The following PLCL1 variants were observed in gnomAD, a reference collection of about 807,000 sequenced individuals.
The protein encoded by PLCL1 is phospholipase C like 1 (inactive).
A neutral mutation model predicts 84.4 loss-of-function variants in PLCL1; 41 were observed. The observed-to-expected ratio is 0.49, with a 90% CI of 0.38 to 0.63. The LOEUF (loss-of-function observed/expected upper bound fraction) is 0.63. Among genes scored for constraint, PLCL1 ranks in the 30% least tolerant of loss-of-function variants. The pLI is 0.00. For missense variants in PLCL1, 1,206 were observed against 1,367.8 expected (o/e 0.88, Z 1.87); for synonymous variants, 490 against 488.3 (o/e 1.00, Z -0.05).
intron 5 of PLCL1, among the ~76,000 whole-genome samples, 163 bp downstream of exon 5, chr2:198,104,099 T>A (rs773252237): frequency 7.9e-5 from 12 of 151,916 alleles, no homozygotes; most frequent in Non-Finnish European, 1.5e-4. Context: ...GTAAACTGTG[T>A]GTCGCGGGGG....
chr2:197,972,831 C>T (rs573282150), intron 1 of PLCL1, among the ~76,000 whole-genome samples: 3 of 152,276 alleles, frequency 2.0e-5, no homozygotes, highest in East Asian at 1.9e-4. Flanking sequence ...GTGAAAAGCA[C>T]TGTGGTTACT....
intron 1 of PLCL1, among the ~76,000 whole-genome samples, chr2:197,873,678 A>T (rs1687688356): frequency 6.6e-6 from 1 of 152,140 alleles, no homozygotes; most frequent in Non-Finnish European, 1.5e-5. Context: ...TGGGGATTAG[A>T]ACATTTAGAT....
Position 197,825,627 on chromosome 2 carries a change from C to T in PLCL1, c.240+20288C>T, listed in dbSNP as rs560018441. On this transcript the variant is annotated intron_variant, in intron 1 of 5. Coordinates refer to ENST00000428675, the MANE Select transcript of PLCL1 (RefSeq NM_006226.4). ...TTCTACCTTCCTTAAGGGAATCTTG[C>T]CCTGAGTTAATGTAGTCTACCATTG... Among the ~76,000 whole-genome samples, 328 of 151,578 alleles carry T rather than the reference C, an allele frequency of 2.2e-3. 1 individual carries two copies. Among genetic ancestry groups the T allele is most frequent in the Middle Eastern group, 6.8e-3 (2 of 294 alleles).
In PLCL1 at chr2:198,132,770, T is replaced by C. The variant is rs571000153; in HGVS notation, c.3106-14010T>C. Among the ~76,000 whole-genome samples the C allele has an allele frequency of 5.8e-3, 875 of 152,072 alleles. 1 individual carries two copies. The highest frequency in any genetic ancestry group is 8.5e-3 in the Non-Finnish European group (579 of 67,958). ...TAGGTTGCGAAAATTTTCTCCCATG[T>C]TGTAGGTTGCCTGTTCACTCTGATG... On this transcript the variant is annotated intron_variant, in intron 5 of 5. Coordinates refer to ENST00000428675, the MANE Select transcript of PLCL1 (RefSeq NM_006226.4).
At chr2:197,920,613 G>C (rs555429812) in intron 1 of PLCL1, among the ~76,000 whole-genome samples, 1 of 152,268 alleles carries the variant, frequency 6.6e-6, no homozygotes, top group African/African-American at 2.4e-5. Context: ...AAGGTTGCTT[G>C]CATAGGTTTA....
chr2:198,083,900 C>T lies in PLCL1; in HGVS notation c.383C>T (p.Ser128Phe). The change falls in exon 2 of 6, where the codon TCT becomes TTT. Residue 128 changes from serine to phenylalanine, a missense_variant. Transcript: ENST00000428675. ...GCELKKVRPN[S>F]RIYNRFFTLD... ...GAGTTGAAGAAAGTCCGGCCAAATT[C>T]TCGCATTTACAACCGTTTTTTCACT... 6.2e-7 allele frequency: 1 copy of T among 1,614,134 alleles called. No individual in the cohort carries two copies. Among genetic ancestry groups the T allele is most frequent in the Non-Finnish European group, 8.5e-7 (1 of 1,179,992 alleles).
At chr2:198,118,457 G>C (rs1000325463) in intron 5 of PLCL1, among the ~76,000 whole-genome samples, 1 of 151,936 alleles carries the variant, frequency 6.6e-6, no homozygotes, top group Non-Finnish European at 1.5e-5. Flanking sequence ...CTCCTGGGAA[G>C]GTCAGATCCT....
intron 1 of PLCL1, among the ~76,000 whole-genome samples, chr2:197,894,783 T>G (rs1688100976): frequency 6.6e-6 from 1 of 151,878 alleles, no homozygotes; most frequent in South Asian, 2.1e-4. Flanking sequence ...GTAAGTGAAA[T>G]GTAAAGAGAA....
chr2:198,044,524 G>A (rs1168912644), intron 1 of PLCL1, among the ~76,000 whole-genome samples: 1 of 152,102 alleles, frequency 6.6e-6, no homozygotes, highest in African/African-American at 2.4e-5. Context: ...CTGTAGGTTG[G>A]GACAAATTTT....
intron 1 of PLCL1, among the ~76,000 whole-genome samples, chr2:198,056,112 A>C (rs989252802): frequency 5.9e-5 from 9 of 152,212 alleles, no homozygotes; most frequent in African/African-American, 2.2e-4. Flanking sequence ...AATTAAAAGC[A>C]TTCAAAGAAG....
At chr2:198,126,306 T>C (rs1693983510) in intron 5 of PLCL1, among the ~76,000 whole-genome samples, 1 of 152,192 alleles carries the variant, frequency 6.6e-6, no homozygotes, top group South Asian at 2.1e-4. Flanking sequence ...GAGATCTTTT[T>C]GAACAAGAAT....
chr2:197,973,640 G>A (rs1689911154), intron 1 of PLCL1, among the ~76,000 whole-genome samples: 1 of 152,190 alleles, frequency 6.6e-6, no homozygotes, highest in African/African-American at 2.4e-5. Flanking sequence ...GAGAGGGATT[G>A]GCAAGGGAAT....
At chr2:198,020,439 T>A (rs1691105023) in intron 1 of PLCL1, among the ~76,000 whole-genome samples, 1 of 151,970 alleles carries the variant, frequency 6.6e-6, no homozygotes, top group Non-Finnish European at 1.5e-5. Flanking sequence ...AGACACAGAC[T>A]GGCAAATTGG....
intron 1 of PLCL1, among the ~76,000 whole-genome samples, chr2:197,993,079 A>C (rs1442812927): frequency 6.6e-6 from 1 of 152,138 alleles, no homozygotes; most frequent in Non-Finnish European, 1.5e-5. Context: ...TTTTTGAAGA[A>C]CTGTCACACT....
chr2:197,836,446 C>CAAAAAAAA (rs35510400), intron 1 of PLCL1, among the ~76,000 whole-genome samples: 3 of 34,534 alleles, frequency 8.7e-5, no homozygotes, highest in African/African-American at 2.1e-4. Flanking sequence ...GACTCCGTCT[C>CAAAAAAAA]AAAAAAAAAA....
At chr2:197,822,344 T>G (rs145357711) in intron 1 of PLCL1, among the ~76,000 whole-genome samples, 1 of 152,146 alleles carries the variant, frequency 6.6e-6, no homozygotes, top group Non-Finnish European at 1.5e-5. Context: ...ATTCTTACGT[T>G]GAGCCCAAAT....
chr2:198,044,947 G>A (rs1691751379), intron 1 of PLCL1, among the ~76,000 whole-genome samples: 1 of 152,124 alleles, frequency 6.6e-6, no homozygotes, highest in Non-Finnish European at 1.5e-5. Context: ...ATAGGAATTA[G>A]CAGATAGCTT....
At chr2:197,858,879 A>G (rs1455548624) in intron 1 of PLCL1, among the ~76,000 whole-genome samples, 1 of 152,076 alleles carries the variant, frequency 6.6e-6, no homozygotes, top group Non-Finnish European at 1.5e-5. Context: ...GTGATCTAAG[A>G]TGGCCTCAGT....
chr2:197,988,192 G>T (rs2105810296), intron 1 of PLCL1, among the ~76,000 whole-genome samples: 1 of 152,292 alleles, frequency 6.6e-6, no homozygotes, highest in African/African-American at 2.4e-5. Flanking sequence ...ATAAGAAGGG[G>T]TGTCAGATAT....
Sources: gnomAD v4.1 joint callset for allele counts (sites outside exome capture counted in the v4.1 genomes callset) on GRCh38, gnomAD v4.1.1 for gene constraint, MANE v1.5 for transcripts, NCBI Gene and HGNC (gene_info 2026-07-23, HGNC 2026-07-21) for gene names.